Variants in PARP4 observed in about 807,000 individuals in gnomAD.
PARP4 encodes the protein protein mono-ADP-ribosyltransferase PARP4.
PARP4 carries 120 observed loss-of-function variants against 187.7 expected under a neutral mutation model. That is an observed-to-expected ratio of 0.64 (90% CI 0.55 to 0.74). The LOEUF (loss-of-function observed/expected upper bound fraction) is 0.74. Among genes scored for constraint, PARP4 ranks in the 30% least tolerant of loss-of-function variants. PARP4 has a pLI of 0.00. For missense variants in PARP4, 1,836 were observed against 2,070.5 expected (o/e 0.89, Z 2.20); for synonymous variants, 654 against 740.9 (o/e 0.88, Z 1.90).
chr13:24,443,816 A>G, intron 27 of PARP4, 86 bp from the exon 28 acceptor site: 2 of 889,732 alleles, frequency 2.2e-6, no homozygotes, highest in Non-Finnish European at 3.8e-6. Flanking sequence ...AAATGGAGGT[A>G]TAATCTGCAT....
At position 24,507,632 on chromosome 13, in the gene PARP4, C is replaced by T. The variant is rs541832136; in HGVS notation, c.-1-3855G>A. On this transcript the variant is annotated intron_variant, in intron 1 of 33. Coordinates refer to ENST00000381989, the MANE Select transcript of PARP4 (RefSeq NM_006437.4). The stretch of plus-strand genomic sequence containing the variant: ...CTGCTGCCACCCTGGCCCATGCCCT[C>T]GCATCCTGACTGGCTCCCACTCCTG... 5.1e-4 allele frequency among the ~76,000 whole-genome samples: 78 copies of T among 152,362 alleles called. 2 individuals carry two copies. Among genetic ancestry groups the T allele is most frequent in the African/African-American group, 1.7e-3 (71 of 41,578 alleles).
In PARP4 at chr13:24,512,467, C is replaced by T. The variant is rs544654985; in HGVS notation, c.-2+239G>A. ...TCCGGTGGGCGCCCCCCACCGCACC[C>T]GGTTTCTCGTCACCAGGGCTGCGCC... On this transcript the variant is annotated intron_variant, in intron 1 of 33. Transcript: ENST00000381989. Among the ~76,000 whole-genome samples the T allele has an allele frequency of 5.1e-4, 78 of 152,208 alleles. 2 individuals are homozygous for T. Among genetic ancestry groups the T allele is most frequent in the African/African-American group, 1.7e-3 (72 of 41,548 alleles).
At chr13:24,433,794 T>G (rs1870465382) in intron 31 of PARP4, among the ~76,000 whole-genome samples, 1 of 152,294 alleles carries the variant, frequency 6.6e-6, no homozygotes, top group South Asian at 2.1e-4. Context: ...ACTTTTATAC[T>G]ACATCAAGCC....
chr13:24,503,081 C>T (rs1009024546), intron 2 of PARP4, among the ~76,000 whole-genome samples: 1 of 152,250 alleles, frequency 6.6e-6, no homozygotes, highest in African/African-American at 2.4e-5. Context: ...TGAATTATTT[C>T]TAAGATTTCA....
chr13:24,497,209 C>A (rs1432742760), intron 6 of PARP4, among the ~76,000 whole-genome samples: 1 of 152,092 alleles, frequency 6.6e-6, no homozygotes, highest in Non-Finnish European at 1.5e-5. Flanking sequence ...AAAGGTATGG[C>A]CTCTGCAAAG....
chr13:24,455,117 GGA>G lies in PARP4; in HGVS notation c.2656_2657del (p.Ser886HisfsTer22). ...CTTGCAAGAATGTCACACCCTCCAT[GGA>G]ACTGGAGCAGTCAAGACAAATAATC... The part of the protein sequence containing the change: ...EVIICLDCSS[S>X]MEGVTFLQAK... On this transcript the variant is annotated frameshift_variant, in exon 22 of 34. Coordinates refer to ENST00000381989, the MANE Select transcript of PARP4 (RefSeq NM_006437.4). LOFTEE classifies it high-confidence loss of function. 6.2e-7 allele frequency: 1 copy of G among 1,613,228 alleles called. No homozygotes were observed. Among genetic ancestry groups the G allele is most frequent in the Non-Finnish European group, 8.5e-7 (1 of 1,179,302 alleles).
chr13:24,507,023 G>A (rs1221978498), intron 1 of PARP4, among the ~76,000 whole-genome samples: 1 of 152,214 alleles, frequency 6.6e-6, no homozygotes, highest in Non-Finnish European at 1.5e-5. Context: ...GGGGTACCCG[G>A]CACACCCTCC....
In PARP4 at chr13:24,434,944, A is replaced by T. The variant is rs1303158100; in HGVS notation, c.4197T>A (p.Ile1399=). 17 of 1,613,998 alleles carry T rather than the reference A, an allele frequency of 1.1e-5. No homozygotes were observed. In the East Asian group the frequency reaches 3.8e-4, roughly 36 times the overall value. Residue 1399 remains isoleucine, a synonymous_variant, in exon 31 of 34, where the codon ATT becomes ATA. Transcript: ENST00000381989. ...AGCTTAATGAGCTCCCTGAAAAAACAATGCCACAATAGGGTGAAGAAGGTG... is the reference window on the plus strand; with the variant it reads ...AGCTTAATGAGCTCCCTGAAAAAACTATGCCACAATAGGGTGAAGAAGGTG... ...QNPPSSPYCG[I]VFSGSSLSSA...
chr13:24,422,855 C>T (rs1869819737), intron 33 of PARP4, among the ~76,000 whole-genome samples: 1 of 152,078 alleles, frequency 6.6e-6, no homozygotes, highest in Admixed American at 6.6e-5. Flanking sequence ...GATCTGTCCG[C>T]CTCAACCTCC....
At chr13:24,501,381 C>T (rs1430048059) in intron 3 of PARP4, among the ~76,000 whole-genome samples, 1 of 152,182 alleles carries the variant, frequency 6.6e-6, no homozygotes, top group African/African-American at 2.4e-5. Flanking sequence ...AAAGCACAAT[C>T]AGGTTTTCTG....
chr13:24,425,593 C>CTATA (rs1246664842), intron 33 of PARP4, among the ~76,000 whole-genome samples: 2 of 118,268 alleles, frequency 1.7e-5, no homozygotes, highest in African/African-American at 7.6e-5. Context: ...ATATCTATAT[C>CTATA]TATATCTATA....
At chr13:24,455,533 G>A (rs1203925244) in intron 21 of PARP4, among the ~76,000 whole-genome samples, 2 of 123,650 alleles carry the variant, frequency 1.6e-5, no homozygotes, top group African/African-American at 5.8e-5. Flanking sequence ...GAATATACAT[G>A]CCATTGTGAT....
rs540325430 is a variant in PARP4 at position 24,472,560 on chromosome 13, T to C, written c.1915-2535A>G. 2.5e-4 allele frequency among the ~76,000 whole-genome samples: 38 copies of C among 152,336 alleles called. No individual in the cohort carries two copies. The East Asian group carries it at 3.9e-3, about 15-fold the overall frequency. ...CTCAAAGGCCTTTATGGTTGTTCAA[T>C]GCAATCTTCAGAGTCAGAAGCTGAT... On this transcript the variant is annotated intron_variant, in intron 15 of 33. Transcript: ENST00000381989.
Position 24,475,496 on chromosome 13 carries a change from C to A in PARP4, c.1890G>T (p.Gly630=). 1 of 1,614,100 alleles carries A rather than the reference C, an allele frequency of 6.2e-7. No individual in the cohort carries two copies. The highest frequency in any genetic ancestry group is 8.5e-7 in the Non-Finnish European group (1 of 1,179,936). Residue 630 remains glycine, a synonymous_variant, in exon 15 of 34, where the codon GGG becomes GGT. Transcript: ENST00000381989. ...LVPLEDVHIK[G]RIIDTVAQVI... ...CCTGGGCTACAGTGTCTATGATTCT[C>A]CCTTTGATGTGGACATCCTCCAGAG...
At chr13:24,446,926 G>C (rs1463581566) in intron 26 of PARP4, 90 bp downstream of exon 26, 113 of 1,478,692 alleles carry the variant, frequency 7.6e-5, no homozygotes, top group Non-Finnish European at 9.4e-5. Context: ...AAGAAAATCT[G>C]CTGGTGAGAA....
chr13:24,470,929 T>C (rs1285784203), intron 15 of PARP4, among the ~76,000 whole-genome samples: 4 of 152,126 alleles, frequency 2.6e-5, no homozygotes, highest in African/African-American at 7.2e-5. Flanking sequence ...ACAGAATCTC[T>C]TGCCATCCTG....
intron 32 of PARP4, among the ~76,000 whole-genome samples, chr13:24,427,272 A>T (rs1180698820): frequency 1.3e-5 from 2 of 152,150 alleles, no homozygotes; most frequent in Admixed American, 1.3e-4. Flanking sequence ...GGTATCCAAG[A>T]TATTTTACTA....
chr13:24,451,493 T>C (rs1285528978), intron 24 of PARP4, among the ~76,000 whole-genome samples: 1 of 151,130 alleles, frequency 6.6e-6, no homozygotes, highest in South Asian at 2.1e-4. Context: ...CTGGGGGCCA[T>C]GGAGGGGCAT....
chr13:24,452,698 G>A (rs1448633977), intron 23 of PARP4, 105 bp from the exon 24 acceptor site: 15 of 823,562 alleles, frequency 1.8e-5, no homozygotes, highest in Admixed American at 1.6e-4. Context: ...TGGTGACACC[G>A]AAAATATTTT....
Sources: allele counts gnomAD v4.1 joint callset (sites outside exome capture counted in the v4.1 genomes callset), GRCh38; gene constraint gnomAD v4.1.1; transcripts MANE v1.5; gene names NCBI Gene and HGNC (gene_info 2026-07-23, HGNC 2026-07-21).